DNAH2: variants seen among roughly 807,000 people sequenced by gnomAD.
DNAH2 encodes dynein axonemal heavy chain 2, also known as axonemal beta dynein heavy chain 2.
DNAH2 carries 323 observed loss-of-function variants against 523.5 expected under a neutral mutation model. The ratio of observed to expected loss-of-function variants is 0.62; its 90% CI spans 0.56 to 0.68. The LOEUF (loss-of-function observed/expected upper bound fraction) is 0.68. Ranked by LOEUF, DNAH2 falls within the 30% of genes least tolerant of loss-of-function variation. The pLI is 0.00. For synonymous variants in DNAH2, 2,093 were observed against 2,177.4 expected (o/e 0.96, Z 1.08); for missense variants, 4,907 against 5,701.5 (o/e 0.86, Z 4.49).
At position 7,807,651 on chromosome 17, in the gene DNAH2, G is replaced by A; in HGVS notation, c.9729+65G>A. The A allele has an allele frequency of 7.0e-7, 1 of 1,421,358 alleles. No individual in the cohort carries two copies. Among genetic ancestry groups the A allele is most frequent in the Non-Finnish European group, 9.8e-7 (1 of 1,019,190 alleles). 88.0% of individuals were successfully genotyped at this position (1,421,358 alleles called of 1,614,324 possible). ...CCTGAGTTCTGGATTGCTTCATTAAGCATTTGTTTTCCCCCATCTAATTCT... is the reference window on the plus strand; with the variant it reads ...CCTGAGTTCTGGATTGCTTCATTAAACATTTGTTTTCCCCCATCTAATTCT... On this transcript the variant is annotated intron_variant, in intron 63 of 85. Coordinates refer to ENST00000572933, the MANE Select transcript of DNAH2 (RefSeq NM_020877.5). This position sits in a 1 kb window ranked among gnomAD's most constrained non-coding sequence, Gnocchi z 5.6.
At position 7,764,888 on chromosome 17, in the gene DNAH2, G is replaced by A. The variant is rs533628601; in HGVS notation, c.3337-503G>A. 7.4e-4 allele frequency among the ~76,000 whole-genome samples: 104 copies of A among 140,444 alleles called. 1 individual carries two copies. The highest frequency in any genetic ancestry group is 2.7e-3 in the African/African-American group (98 of 36,506). 92.1% of individuals were successfully genotyped at this position (140,444 alleles called of 152,430 possible). A position where few individuals can be genotyped will look rare whatever the true frequency, so the allele number is the denominator to read the frequency against. On this transcript the variant is annotated intron_variant, in intron 20 of 85. Transcript: ENST00000572933. ...GACAGGGCCTCCATCCATTACCCAG[G>A]CTGGAGTGCAGTGGTGCAATCATGG...
chr17:7,722,964 CTTTTT>C (rs559136734), intron 2 of DNAH2, among the ~76,000 whole-genome samples: 2 of 114,696 alleles, frequency 1.7e-5, no homozygotes, highest in Admixed American at 9.0e-5. Context: ...CTTTTCTTTC[CTTTTT>C]TTTTTTTTTT....
At chr17:7,770,956 C>T (rs756143885) in intron 27 of DNAH2, 23 bp downstream of exon 27, 2 of 1,607,588 alleles carry the variant, frequency 1.2e-6, no homozygotes, top group Non-Finnish European at 1.7e-6. Flanking sequence ...CGCCTGAGCT[C>T]TTCCTGCTTC....
At chr17:7,747,289 G>A (rs1270660617) in intron 12 of DNAH2, among the ~76,000 whole-genome samples, 2 of 151,792 alleles carry the variant, frequency 1.3e-5, no homozygotes, top group African/African-American at 4.8e-5. Flanking sequence ...TTTTTTTTAA[G>A]GTTAACAATC....
intron 26 of DNAH2, 37 bp downstream of exon 26, chr17:7,770,676 G>A: frequency 2.5e-6 from 4 of 1,613,794 alleles, no homozygotes; most frequent in Non-Finnish European, 8.5e-7. Context: ...ATGGAGGGCT[G>A]TGTGACCCAG....
At chr17:7,726,028 C>T (rs561891467) in intron 3 of DNAH2, among the ~76,000 whole-genome samples, 4 of 152,142 alleles carry the variant, frequency 2.6e-5, no homozygotes, top group East Asian at 3.9e-4. Flanking sequence ...ATTTTTGAGA[C>T]GGAGTCTTGC....
Position 7,780,093 on chromosome 17 carries a change from G to T in DNAH2, c.5723-64G>T. On this transcript the variant is annotated intron_variant, in intron 36 of 85. Coordinates refer to ENST00000572933, the MANE Select transcript of DNAH2 (RefSeq NM_020877.5). The surrounding 1 kb of genome is among the most constrained non-coding windows in gnomAD (Gnocchi z 4.4). ...AGAAAATGAGACTGATTGGAAAGTG[G>T]GTTTGGGGAAGCAAATCAAGATGAG... 6.4e-7 allele frequency: 1 copy of T among 1,569,728 alleles called. No individual in the cohort carries two copies. Among genetic ancestry groups the T allele is most frequent in the Middle Eastern group, 1.7e-4 (1 of 5,854 alleles).
intron 7 of DNAH2, 42 bp downstream of exon 7, chr17:7,734,750 G>A (rs2075093626): frequency 2.5e-6 from 4 of 1,594,394 alleles, no homozygotes; most frequent in Non-Finnish European, 3.4e-6. Flanking sequence ...GCAAGAAGTG[G>A]GCAATGGTTG....
rs527564511 is a variant in DNAH2, at chr17:7,818,369, G to A, written c.10445G>A (p.Arg3482His). 93 of 1,614,138 alleles carry A rather than the reference G, an allele frequency of 5.8e-5. No homozygotes were observed. The highest frequency in any genetic ancestry group is 1.2e-4 in the African/African-American group (9 of 75,026). ...GAGGTGGAATATAATACCAATTTCC[G>A]TTTCTACATCACCACCAAGCTCTCC... ...DKEVEYNTNF[R>H]FYITTKLSNP... The change falls in exon 69 of 86, where the codon CGT becomes CAT. Residue 3482 changes from arginine to histidine, a missense_variant. Arg to His is a conservative substitution (Grantham distance 29). Coordinates refer to ENST00000572933, the MANE Select transcript of DNAH2 (RefSeq NM_020877.5).
At position 7,767,094 on chromosome 17, in the gene DNAH2, C is replaced by T. The variant is rs571591924; in HGVS notation, c.3675+613C>T. Among the ~76,000 whole-genome samples the T allele has an allele frequency of 6.1e-3, 913 of 150,826 alleles. 6 individuals are homozygous for T. The highest frequency in any genetic ancestry group is 0.016 in the African/African-American group (673 of 40,902). ...TCCCCCGTCCCCCGCCCCAGTCCCC[C>T]GTCCCCCGCCCCAGTCTGTTATGAG... On this transcript the variant is annotated intron_variant, in intron 22 of 85. Transcript: ENST00000572933.
In DNAH2 at chr17:7,787,211, C is replaced by T. The variant is rs1452937005; in HGVS notation, c.6603+178C>T. The stretch of plus-strand genomic sequence containing the variant: ...CTGAAGAAAAATGCTTTGCTTGCCG[C>T]GGCTGTTGAGAACAATGATAAGAAA... On this transcript the variant is annotated intron_variant, in intron 42 of 85. Transcript: ENST00000572933. 3.6e-5 allele frequency: 29 copies of T among 799,178 alleles called. No individual in the cohort carries two copies. The East Asian group carries it at 5.6e-4, about 16-fold the overall frequency. 49.5% of individuals were successfully genotyped at this position (799,178 alleles called of 1,614,324 possible).
rs753468453 is a variant in DNAH2, at chr17:7,791,982, C to G, written c.6966C>G (p.Ile2322Met). ...MVEMTFVFSM[I>M]WSVCASVDEE... ...AGATGACATTTGTGTTCAGCATGAT[C>G]TGGTCTGTGTGTGCCTCTGTGGATG... The change falls in exon 45 of 86, where the codon ATC (isoleucine) becomes ATG (methionine). Residue 2322 changes from isoleucine (I) to methionine (M), a missense_variant. Ile to Met is a conservative substitution (Grantham distance 10). Transcript: ENST00000572933. The G allele has an allele frequency of 6.2e-7, 1 of 1,614,120 alleles. No homozygotes were observed. The highest frequency in any genetic ancestry group is 8.5e-7 in the Non-Finnish European group (1 of 1,180,022).
Position 7,797,700 on chromosome 17 carries a change from A to C in DNAH2, c.8101A>C (p.Lys2701Gln). The C allele has an allele frequency of 6.2e-7, 1 of 1,614,194 alleles. No homozygotes were observed. The highest frequency in any genetic ancestry group is 8.5e-7 in the Non-Finnish European group (1 of 1,180,034). Residue 2701 changes from lysine to glutamine, a missense_variant, in exon 53 of 86, where the codon AAG (lysine) becomes CAG (glutamine). By Grantham distance (53) the Lys-to-Gln change is moderately conservative (BLOSUM62 1). Around this residue, in one of 3 missense-constraint regions of DNAH2, gnomAD observed 250 missense variants for 371.3 expected, o/e 0.67. Transcript: ENST00000572933. ...PIFGDFLKEP[K>Q]VYEDLTDLTV... Reference sequence around the variant, plus strand: ...CTCAGGGGATTTCCTGAAGGAGCCCAAGGTGTATGAAGACCTCACGGATCT... The same window carrying C: ...CTCAGGGGATTTCCTGAAGGAGCCCCAGGTGTATGAAGACCTCACGGATCT...
rs77193346 is a variant in DNAH2 at position 7,828,446 on chromosome 17, T to C, written c.11854-1854T>C. On this transcript the variant is annotated intron_variant, in intron 77 of 85. Coordinates refer to ENST00000572933, the MANE Select transcript of DNAH2 (RefSeq NM_020877.5). The surrounding 1 kb of genome is among the most constrained non-coding windows in gnomAD (Gnocchi z 4.1). ...ATCTTTAAGTATATTTCTCCATTTA[T>C]TCATTTTTTCCTCTTTTTTTAGACA... 0.033 allele frequency among the ~76,000 whole-genome samples: 5,063 copies of C among 152,288 alleles called. 109 individuals are homozygous for C. The highest frequency in any genetic ancestry group is 0.051 in the Non-Finnish European group (3,463 of 68,028).
In DNAH2 at chr17:7,793,086, G is replaced by A. The variant is rs747082656; in HGVS notation, c.7450G>A (p.Asp2484Asn). 11 of 1,614,090 alleles carry A rather than the reference G, an allele frequency of 6.8e-6. No individual in the cohort carries two copies. In the South Asian group the frequency reaches 1.2e-4, roughly 18 times the overall value. Residue 2484 changes from aspartate (D) to asparagine (N), a missense_variant, in exon 48 of 86, where the codon GAC (aspartate) becomes AAC (asparagine). Asp to Asn is a conservative substitution (Grantham distance 23). Coordinates refer to ENST00000572933, the MANE Select transcript of DNAH2 (RefSeq NM_020877.5). The stretch of plus-strand genomic sequence containing the variant: ...CAAAAGCATGATCACCTTTATGGAT[G>A]ACCTAAATATGCCCGCTAAGGACAT... ...GGKSMITFMD[D>N]LNMPAKDMFG...
Position 7,786,036 on chromosome 17 carries a change from G to T in DNAH2, c.6130-88G>T. On this transcript the variant is annotated intron_variant, in intron 39 of 85. Transcript: ENST00000572933. The surrounding 1 kb of genome is among the most constrained non-coding windows in gnomAD (Gnocchi z 7.5). Reference sequence around the variant, plus strand: ...TGGTGCCATTTTTAACAGTTTGAACGTATTCTCTCTGGCACCGGGGAGATT... The same window carrying T: ...TGGTGCCATTTTTAACAGTTTGAACTTATTCTCTCTGGCACCGGGGAGATT... 1 of 1,385,274 alleles carries T rather than the reference G, an allele frequency of 7.2e-7. No homozygotes were observed. 85.8% of individuals were successfully genotyped at this position (1,385,274 alleles called of 1,614,324 possible).
chr17:7,833,185 T>A lies in DNAH2; in HGVS notation c.13093T>A (p.Phe4365Ile). 1 of 1,608,646 alleles carries A rather than the reference T, an allele frequency of 6.2e-7. No homozygotes were observed. The highest frequency in any genetic ancestry group is 8.5e-7 in the Non-Finnish European group (1 of 1,180,000). Residue 4365 changes from phenylalanine to isoleucine, a missense_variant, in exon 85 of 86, where the codon TTC becomes ATC. Physicochemically the swap from Phe to Ile is conservative, Grantham distance 21. Around this residue, in one of 3 missense-constraint regions of DNAH2, gnomAD observed 1,851 missense variants for 2,139.4 expected, o/e 0.87. Coordinates refer to ENST00000572933, the MANE Select transcript of DNAH2 (RefSeq NM_020877.5). ...TGTCTGCCTCATGCCCACGATCCAC[T>A]TCCGGCCTGCAGAGAGCCGCAAGAA... Reference protein sequence around the residue: ...QLVCLMPTIHFRPAESRKKSA... With the variant: ...QLVCLMPTIHIRPAESRKKSA...
intron 22 of DNAH2, among the ~76,000 whole-genome samples, chr17:7,766,872 AC>A (rs1421583967): frequency 1.3e-5 from 2 of 151,344 alleles, no homozygotes; most frequent in African/African-American, 2.4e-5. Flanking sequence ...CTGGTCTCGA[AC>A]TCCTGACCTC....
intron 72 of DNAH2, among the ~76,000 whole-genome samples, chr17:7,820,721 T>C (rs1000705888): frequency 1.3e-5 from 2 of 152,124 alleles, no homozygotes; most frequent in Non-Finnish European, 2.9e-5. Flanking sequence ...GAATGTTTTG[T>C]TTTTTAATGG....
Sources: allele counts gnomAD v4.1 joint callset (sites outside exome capture counted in the v4.1 genomes callset), GRCh38; gene constraint gnomAD v4.1.1; regional missense constraint gnomAD v4.1.1; non-coding constraint Gnocchi (gnomAD v3.1); transcripts MANE v1.5; gene names NCBI Gene and HGNC (gene_info 2026-07-23, HGNC 2026-07-21).